The following MKI67 variants were observed in gnomAD, a reference collection of about 807,000 sequenced individuals.
MKI67 encodes the protein proliferation marker protein Ki-67.
Under a neutral mutation model 233.5 loss-of-function variants are expected in MKI67, and 152 were observed. That is an observed-to-expected ratio of 0.65 (90% CI 0.57 to 0.74). The LOEUF (loss-of-function observed/expected upper bound fraction) is 0.74, where lower values mean the gene tolerates loss of function less well. Ranked by LOEUF, MKI67 falls within the 30% of genes least tolerant of loss-of-function variation. MKI67 has a pLI of 0.00. For synonymous variants in MKI67, 1,465 were observed against 1,418.5 expected (o/e 1.03, Z -0.74); for missense variants, 3,940 against 3,885.2 (o/e 1.01, Z -0.37).
In MKI67 at chr10:128,103,536, T is replaced by G. The variant is rs769715517; in HGVS notation, c.8304A>C (p.Glu2768Asp). The G allele has an allele frequency of 6.2e-7, 1 of 1,613,604 alleles. No individual in the cohort carries two copies. The change falls in exon 13 of 15, where the codon GAA becomes GAC. Residue 2768 changes from glutamate (E) to aspartate (D), a missense_variant. Coordinates refer to ENST00000368654, the MANE Select transcript of MKI67 (RefSeq NM_002417.5). ...GEDKGIKALK[E>D]SAKQTPAPAA... is the part of the protein sequence containing the mutation. ...CTGGAGCCGGTGTCTGTTTTGCAGA[T>G]TCCTTCAATGCTTTGATGCCTTTAT...
At chr10:128,116,745 G>A (rs1382144470) in intron 5 of MKI67, among the ~76,000 whole-genome samples, 2 of 152,134 alleles carry the variant, frequency 1.3e-5, no homozygotes, top group African/African-American at 4.8e-5. Context: ...CATCTCTACT[G>A]CAAATACAAA....
Position 128,106,183 on chromosome 10 carries a change from A to C in MKI67, c.5657T>G (p.Val1886Gly). 1 of 1,608,584 alleles carries C rather than the reference A, an allele frequency of 6.2e-7. No individual in the cohort carries two copies. The highest frequency in any genetic ancestry group is 8.5e-7 in the Non-Finnish European group (1 of 1,178,368). Residue 1886 changes from valine (V) to glycine (G), a missense_variant, in exon 13 of 15, where the codon GTA (valine) becomes GGA (glycine). Val to Gly is a moderately radical substitution (Grantham distance 109, BLOSUM62 -3). Transcript: ENST00000368654. ...RPKRSLKKAD[V>G]EEEFLAFRKL... is the part of the protein sequence containing the mutation. Reference sequence around the variant, plus strand: ...CCTGAATGCTAAAAATTCTTCCTCTACGTCTGCTTTCTTGAGGCTTCTCTT... The same window carrying C: ...CCTGAATGCTAAAAATTCTTCCTCTCCGTCTGCTTTCTTGAGGCTTCTCTT...
chr10:128,112,509 T>C (rs992727453), intron 8 of MKI67, 64 bp from the exon 9 acceptor site: 52 of 1,442,066 alleles, frequency 3.6e-5, no homozygotes, highest in Non-Finnish European at 4.3e-5. Flanking sequence ...GAATGACTGA[T>C]AAAAACCTAT....
chr10:128,118,229 C>T (rs1336085620), intron 5 of MKI67, among the ~76,000 whole-genome samples: 1 of 152,032 alleles, frequency 6.6e-6, no homozygotes, highest in Non-Finnish European at 1.5e-5. Flanking sequence ...AACCCTGTCT[C>T]TACTAAAAAT....
rs1214029930 is a variant in MKI67 at position 128,115,982 on chromosome 10, G to A, written c.426C>T (p.Ala142=). Residue 142 remains alanine (A), a synonymous_variant, in exon 7 of 15, where the codon GCC becomes GCT. Coordinates refer to ENST00000368654, the MANE Select transcript of MKI67 (RefSeq NM_002417.5). ...CTTTTCCTTCAGTGATTTTTGAATA[G>A]GCCTTGGAATCTTGAGCTTTCTCAT... The part of the protein sequence containing the change: ...DPDEKAQDSK[A]YSKITEGKVS... The A allele has an allele frequency of 1.9e-6, 3 of 1,595,168 alleles. No individual in the cohort carries two copies. Among genetic ancestry groups the A allele is most frequent in the African/African-American group, 1.4e-5 (1 of 73,940 alleles).
At chr10:128,110,330 A>T (rs745810834) in intron 12 of MKI67, 48 bp downstream of exon 12, 1 of 1,428,364 alleles carries the variant, frequency 7.0e-7, no homozygotes, top group Non-Finnish European at 9.4e-7. Flanking sequence ...ATAATACTGT[A>T]TGTTCCTATC....
intron 5 of MKI67, 144 bp downstream of exon 5, chr10:128,119,109 G>A (rs975920403): frequency 1.5e-5 from 10 of 655,642 alleles, no homozygotes; most frequent in African/African-American, 5.6e-5. Flanking sequence ...AGTTCAACTC[G>A]TTTTTATACT....
rs1385796908 is a variant in MKI67, at chr10:128,104,604, G to A, written c.7236C>T (p.Asp2412=). ...TGCTGCCAGGTAAATTTCCTAGCAG[G>A]TCCAGTTTCTGCACTGGAGTTTCCA... The part of the protein sequence containing the change: ...TFVETPVQKL[D]LLGNLPGSKR... The change falls in exon 13 of 15, where the codon GAC becomes GAT. Residue 2412 remains aspartate, a synonymous_variant. Transcript: ENST00000368654. The A allele has an allele frequency of 6.2e-7, 1 of 1,614,004 alleles. No individual in the cohort carries two copies. Among genetic ancestry groups the A allele is most frequent in the Admixed American group, 1.7e-5 (1 of 59,976 alleles).
In MKI67 at chr10:128,103,652, T is replaced by G. The variant is rs1164657637; in HGVS notation, c.8188A>C (p.Lys2730Gln). 6.2e-7 allele frequency: 1 copy of G among 1,614,190 alleles called. No individual in the cohort carries two copies. Among genetic ancestry groups the G allele is most frequent in the South Asian group, 1.1e-5 (1 of 91,090 alleles). Reference sequence around the variant, plus strand: ...GAAGGCTCTTCTTTTACTTGTACCTTCTGCACACGTGTCCTGAGATGCCTC... The same window carrying G: ...GAAGGCTCTTCTTTTACTTGTACCTGCTGCACACGTGTCCTGAGATGCCTC... ...TKRHLRTRVQ[K>Q]VQVKEEPSAV... is the part of the protein sequence containing the mutation. Residue 2730 changes from lysine (K) to glutamine (Q), a missense_variant, in exon 13 of 15, where the codon AAG becomes CAG. Transcript: ENST00000368654.
rs1267994501 is a variant in MKI67 at position 128,108,865 on chromosome 10, G to T, written c.2975C>A (p.Ala992Asp). The stretch of plus-strand genomic sequence containing the variant: ...GCCTTTCTCACTCTTTGGTGCCTTG[G>T]CATGATCTTGGGTTTGGAGGAGATT... ...GQNLLQTQDH[A>D]KAPKSEKGKI... The change falls in exon 13 of 15, where the codon GCC (alanine) becomes GAC (aspartate). Residue 992 changes from alanine to aspartate, a missense_variant. Coordinates refer to ENST00000368654, the MANE Select transcript of MKI67 (RefSeq NM_002417.5). 3.1e-6 allele frequency: 5 copies of T among 1,614,172 alleles called. No homozygotes were observed. Among genetic ancestry groups the T allele is most frequent in the Non-Finnish European group, 4.2e-6 (5 of 1,180,044 alleles).
chr10:128,115,590 T>C lies in MKI67; in HGVS notation c.818A>G (p.Glu273Gly). 1 of 1,614,234 alleles carries C rather than the reference T, an allele frequency of 6.2e-7. No individual in the cohort carries two copies. The highest frequency in any genetic ancestry group is 8.5e-7 in the Non-Finnish European group (1 of 1,180,044). Residue 273 changes from glutamate (E) to glycine (G), a missense_variant, in exon 7 of 15, where the codon GAG (glutamate) becomes GGG (glycine). Physicochemically the swap from Glu to Gly is moderately conservative, Grantham distance 98. Coordinates refer to ENST00000368654, the MANE Select transcript of MKI67 (RefSeq NM_002417.5). ...CTGTAAACCATCAGCACTTTCTTTC[T>C]CTGTTGCGTAATCAGTTTGTAATCC... ...KSGLQTDYAT[E>G]KESADGLQGE...
chr10:128,096,819 A>C lies in MKI67; in HGVS notation c.*2371T>G, dbSNP rs976633506. On this transcript the variant is annotated 3_prime_UTR_variant, in exon 15 of 15. Coordinates refer to ENST00000368654, the MANE Select transcript of MKI67 (RefSeq NM_002417.5). ...TTAGTGGCTTAGTTTCCACAACACT[A>C]CGTGCTACAAAGAGGTACAGAACAA... 2.0e-5 allele frequency: 3 copies of C among 152,240 alleles called. No individual in the cohort carries two copies. Among genetic ancestry groups the C allele is most frequent in the African/African-American group, 7.2e-5 (3 of 41,462 alleles). 9.4% of individuals were successfully genotyped at this position (152,240 alleles called of 1,614,324 possible).
Position 128,101,650 on chromosome 10 carries a change from T to G in MKI67, c.9313A>C (p.Ile3105Leu), listed in dbSNP as rs1232172323. Reference sequence around the variant, plus strand: ...TCTGCTAATACAAAGACCTCAGTTATTTGCTGTTCTGCCTCAGTCTTATTT... The same window carrying G: ...TCTGCTAATACAAAGACCTCAGTTAGTTGCTGTTCTGCCTCAGTCTTATTT... ...RQNKTEAEQQ[I>L]TEVFVLAERI... Residue 3105 changes from isoleucine to leucine, a missense_variant, in exon 14 of 15, where the codon ATA becomes CTA. By Grantham distance (5) the Ile-to-Leu change is conservative (BLOSUM62 2). Transcript: ENST00000368654. 3 of 1,612,576 alleles carry G rather than the reference T, an allele frequency of 1.9e-6. No individual in the cohort carries two copies. The African/African-American group carries it at 4.0e-5, about 22-fold the overall frequency.
rs1425984986 is a variant in MKI67, at chr10:128,112,287, G to A, written c.1815C>T (p.Ser605=). The A allele has an allele frequency of 6.2e-7, 1 of 1,614,112 alleles. No homozygotes were observed. The highest frequency in any genetic ancestry group is 8.5e-7 in the Non-Finnish European group (1 of 1,180,056). ...GAACCTCTGTCTGAGATTTGCTGCT[G>A]GAAGCAGGGGCTGTTTTGCAGGACC... The part of the protein sequence containing the change: ...RRRSCKTAPA[S]SSKSQTEVPK... The change falls in exon 9 of 15, where the codon TCC becomes TCT. Residue 605 remains serine, a synonymous_variant. Transcript: ENST00000368654.
Position 128,115,127 on chromosome 10 carries a change from A to C in MKI67, c.1281T>G (p.Pro427=). 6.2e-7 allele frequency: 1 copy of C among 1,614,218 alleles called. No homozygotes were observed. The highest frequency in any genetic ancestry group is 8.5e-7 in the Non-Finnish European group (1 of 1,180,030). The change falls in exon 7 of 15, where the codon CCT becomes CCG. Residue 427 remains proline, a synonymous_variant. Coordinates refer to ENST00000368654, the MANE Select transcript of MKI67 (RefSeq NM_002417.5). ...CCGTAGGCAGAACTTCCACATCTGT[A>C]GGAATACTTCCTCTGGTTTTGGAAG... ...NLSSKTRGSI[P]TDVEVLPTET... is the part of the protein sequence containing the mutation.
At position 128,115,320 on chromosome 10, in the gene MKI67, T is replaced by C; in HGVS notation, c.1088A>G (p.Asn363Ser). The C allele has an allele frequency of 6.2e-7, 1 of 1,614,136 alleles. No homozygotes were observed. The highest frequency in any genetic ancestry group is 8.5e-7 in the Non-Finnish European group (1 of 1,180,032). ...TCTACCAGTAGTATACAGGTCTTTG[T>C]TCTTATGTTTTTGTGGAGAATTTTG... ...QQQNSPQKHK[N>S]KDLYTTGRRE... The change falls in exon 7 of 15, where the codon AAC becomes AGC. Residue 363 changes from asparagine to serine, a missense_variant. Asn to Ser is a conservative substitution (Grantham distance 46). Transcript: ENST00000368654.
Position 128,108,203 on chromosome 10 carries a change from T to G in MKI67, c.3637A>C (p.Thr1213Pro), listed in dbSNP as rs1285467180. The G allele has an allele frequency of 1.2e-6, 2 of 1,612,068 alleles. No homozygotes were observed. Among genetic ancestry groups the G allele is most frequent in the African/African-American group, 2.7e-5 (2 of 74,122 alleles). ...AGAGCCTGGGCCTTTTCCTTAGGAG[T>G]CTGTAGCTGTCTTTTGCTGCCAGGT... is the stretch of plus-strand genomic sequence containing the variant. ...TLPGSKRQLQ[T>P]PKEKAQALED... The change falls in exon 13 of 15, where the codon ACT (threonine) becomes CCT (proline). Residue 1213 changes from threonine to proline, a missense_variant. By Grantham distance (38) the Thr-to-Pro change is conservative. Coordinates refer to ENST00000368654, the MANE Select transcript of MKI67 (RefSeq NM_002417.5).
Position 128,115,367 on chromosome 10 carries a change from G to A in MKI67, c.1041C>T (p.Thr347=), listed in dbSNP as rs1852778212. The A allele has an allele frequency of 1.2e-6, 2 of 1,613,992 alleles. No individual in the cohort carries two copies. The highest frequency in any genetic ancestry group is 1.1e-5 in the South Asian group (1 of 91,080). The change falls in exon 7 of 15, where the codon ACC becomes ACT. Residue 347 remains threonine, a synonymous_variant. Coordinates refer to ENST00000368654, the MANE Select transcript of MKI67 (RefSeq NM_002417.5). The part of the protein sequence containing the change: ...FPLYEPAKMK[T]PVQYSQQQNS... ...TTTGTTGCTGTGAATATTGTACAGGGGTCTTCATTTTAGCCGGCTCATAGA... is the reference window on the plus strand; with the variant it reads ...TTTGTTGCTGTGAATATTGTACAGGAGTCTTCATTTTAGCCGGCTCATAGA...
At position 128,115,941 on chromosome 10, in the gene MKI67, T is replaced by C; in HGVS notation, c.467A>G (p.Gln156Arg). ...TTCTTTGACATTCTTGATATGTACC[T>C]GAGGATTTCCTGAAACTTTTCCTTC... ...ITEGKVSGNP[Q>R]VHIKNVKEDS... The change falls in exon 7 of 15, where the codon CAG becomes CGG. Residue 156 changes from glutamine to arginine, a missense_variant. By Grantham distance (43) the Gln-to-Arg change is conservative. Transcript: ENST00000368654. 6.2e-7 allele frequency: 1 copy of C among 1,610,240 alleles called. No individual in the cohort carries two copies. Among genetic ancestry groups the C allele is most frequent in the Non-Finnish European group, 8.5e-7 (1 of 1,179,512 alleles).
Sources: allele counts gnomAD v4.1 joint callset (sites outside exome capture counted in the v4.1 genomes callset), GRCh38; gene constraint gnomAD v4.1.1; transcripts MANE v1.5; gene names NCBI Gene and HGNC (gene_info 2026-07-23, HGNC 2026-07-21).